WWOX: variants seen among roughly 807,000 people sequenced by gnomAD.
The protein encoded by WWOX is WW domain containing oxidoreductase, also known as WW domain-containing oxidoreductase.
WWOX carries 69 observed loss-of-function variants against 46.2 expected under a neutral mutation model. That is an observed-to-expected ratio of 1.49 (90% CI 1.23 to 1.82). The LOEUF is 1.82. Among genes scored for constraint, WWOX ranks in the 40% most tolerant of loss-of-function variants. WWOX has a pLI of 0.00. For missense variants in WWOX, 919 were observed against 542.6 expected (o/e 1.69, Z -6.89); for synonymous variants, 359 against 202.6 (o/e 1.77, Z -6.56).
chr16:78,450,192 C>T (rs928187951), intron 8 of WWOX, among the ~76,000 whole-genome samples: 12 of 152,100 alleles, frequency 7.9e-5, no homozygotes, highest in African/African-American at 2.7e-4. Flanking sequence ...AAATATCAAG[C>T]TCTTTTTATG....
rs181668921 is a variant in WWOX at position 78,239,798 on chromosome 16, A to G, written c.516+75509A>G. ...GATCCGCCAGTCTCAACCTCCCAAA[A>G]TGCCGGGATTATAGATGTGAGCCAC... On this transcript the variant is annotated intron_variant, in intron 5 of 8. Transcript: ENST00000566780. Among the ~76,000 whole-genome samples the G allele has an allele frequency of 1.6e-4, 24 of 152,140 alleles. No individual in the cohort carries two copies. The East Asian group carries it at 3.1e-3, about 20-fold the overall frequency.
At chr16:78,331,085 A>G (rs1054785843) in intron 5 of WWOX, among the ~76,000 whole-genome samples, 10 of 152,218 alleles carry the variant, frequency 6.6e-5, no homozygotes, top group Non-Finnish European at 5.9e-5. Flanking sequence ...AGATTAAAAT[A>G]TAGATTTTTT....
At chr16:78,354,826 C>G (rs1460784350) in intron 5 of WWOX, among the ~76,000 whole-genome samples, 4 of 151,992 alleles carry the variant, frequency 2.6e-5, no homozygotes, top group Non-Finnish European at 5.9e-5. Context: ...ATTAAATTTT[C>G]ATATATCATC....
chr16:79,059,688 G>A (rs1201107486), intron 8 of WWOX, among the ~76,000 whole-genome samples: 3 of 152,120 alleles, frequency 2.0e-5, no homozygotes, highest in Non-Finnish European at 2.9e-5. Flanking sequence ...TAGAGATGGG[G>A]TTTCACTATG....
intron 8 of WWOX, among the ~76,000 whole-genome samples, chr16:78,505,546 C>A (rs1217978571): frequency 2.6e-5 from 4 of 152,178 alleles, no homozygotes; most frequent in Non-Finnish European, 5.9e-5. Context: ...CTCTGCTGGG[C>A]TCTAGAGAAG....
intron 8 of WWOX, among the ~76,000 whole-genome samples, chr16:79,061,613 G>T (rs2048358773): frequency 6.6e-6 from 1 of 152,232 alleles, no homozygotes; most frequent in Admixed American, 6.5e-5. Context: ...TTTTAAGGCT[G>T]TGTGAGCACT....
chr16:78,796,376 G>A (rs2050737789), intron 8 of WWOX, among the ~76,000 whole-genome samples: 2 of 152,226 alleles, frequency 1.3e-5, no homozygotes, highest in African/African-American at 2.4e-5. Context: ...AAGTTTCCAA[G>A]GAGTTATTAT....
At chr16:78,718,092 G>GTTTTTTTTTT in intron 8 of WWOX, among the ~76,000 whole-genome samples, 3 of 139,614 alleles carry the variant, frequency 2.1e-5, no homozygotes, top group Admixed American at 7.0e-5. Context: ...GGTTCTGGTG[G>GTTTTTTTTTT]TTGTATTTTT....
chr16:79,106,969 T>G (rs1054725702), intron 8 of WWOX, among the ~76,000 whole-genome samples: 1 of 151,894 alleles, frequency 6.6e-6, no homozygotes, highest in African/African-American at 2.4e-5. Context: ...CGCAACCATG[T>G]CCCACGAATT....
At chr16:79,131,710 G>T (rs1025352139) in intron 8 of WWOX, among the ~76,000 whole-genome samples, 1 of 152,110 alleles carries the variant, frequency 6.6e-6, no homozygotes, top group Non-Finnish European at 1.5e-5. Flanking sequence ...ACAGGACATG[G>T]GTGATCAAGC....
intron 5 of WWOX, among the ~76,000 whole-genome samples, chr16:78,261,148 C>T (rs1413976219): frequency 2.0e-5 from 3 of 150,576 alleles, no homozygotes; most frequent in East Asian, 1.9e-4. Context: ...AACAACTTGA[C>T]ATTTTAGCAT....
chr16:78,161,360 C>G (rs961595175), intron 4 of WWOX, among the ~76,000 whole-genome samples: 3 of 151,668 alleles, frequency 2.0e-5, no homozygotes, highest in African/African-American at 7.3e-5. Context: ...TTCTATATTC[C>G]TCTTTCCCTT....
chr16:78,322,796 C>A (rs1016442984), intron 5 of WWOX, among the ~76,000 whole-genome samples: 1 of 152,172 alleles, frequency 6.6e-6, no homozygotes, highest in Non-Finnish European at 1.5e-5. Flanking sequence ...CACCACAGCA[C>A]AGGAGCAGCC....
At chr16:79,148,192 G>T (rs916446605) in intron 8 of WWOX, among the ~76,000 whole-genome samples, 7 of 151,974 alleles carry the variant, frequency 4.6e-5, no homozygotes, top group Non-Finnish European at 1.5e-5. Context: ...TTTCCTAAAA[G>T]TCATATATTT....
chr16:78,479,782 G>A (rs1268788543), intron 8 of WWOX, among the ~76,000 whole-genome samples: 36 of 152,170 alleles, frequency 2.4e-4, no homozygotes, highest in Admixed American at 2.4e-3. Flanking sequence ...GATTCATGGA[G>A]TTTTCCAAGA....
chr16:78,755,411 C>G (rs1171079448), intron 8 of WWOX, among the ~76,000 whole-genome samples: 1 of 151,992 alleles, frequency 6.6e-6, no homozygotes, highest in Non-Finnish European at 1.5e-5. Flanking sequence ...TCCCCTGGAC[C>G]ATGATATTAC....
chr16:78,115,022 A>G lies in WWOX; in HGVS notation c.277A>G (p.Thr93Ala), dbSNP rs1478677649. 2 of 1,614,258 alleles carry G rather than the reference A, an allele frequency of 1.2e-6. No homozygotes were observed. Among genetic ancestry groups the G allele is most frequent in the South Asian group, 2.2e-5 (2 of 91,086 alleles). ...CTACTTGGACCCAAGACTGGCGTTT[A>G]CTGTGGATGATAATCCGACCAAGCC... ...TTYLDPRLAF[T>A]VDDNPTKPTT... Residue 93 changes from threonine to alanine, a missense_variant, in exon 4 of 9, where the codon ACT (threonine) becomes GCT (alanine). Coordinates refer to ENST00000566780, the MANE Select transcript of WWOX (RefSeq NM_016373.4).
intron 8 of WWOX, among the ~76,000 whole-genome samples, chr16:78,951,367 T>C (rs1286831171): frequency 6.6e-6 from 1 of 152,078 alleles, no homozygotes; most frequent in African/African-American, 2.4e-5. Flanking sequence ...CACGGCTGAC[T>C]CTCATTGGCC....
chr16:79,036,298 G>A (rs1034202398), intron 8 of WWOX, among the ~76,000 whole-genome samples: 1 of 152,152 alleles, frequency 6.6e-6, no homozygotes, highest in African/African-American at 2.4e-5. Context: ...CCATCAGATG[G>A]CACCTCTTTT....
Sources: allele counts gnomAD v4.1 joint callset (sites outside exome capture counted in the v4.1 genomes callset), GRCh38; gene constraint gnomAD v4.1.1; transcripts MANE v1.5; gene names NCBI Gene and HGNC (gene_info 2026-07-23, HGNC 2026-07-21).